Variants in TENM2 observed in about 807,000 individuals in gnomAD.
TENM2 encodes teneurin transmembrane protein 2.
In TENM2, 52 loss-of-function variants were observed where a neutral mutation model predicts 245.2. The observed-to-expected ratio is 0.21, with a 90% confidence interval of 0.17 to 0.27. The LOEUF (loss-of-function observed/expected upper bound fraction) is 0.27. Among genes scored for constraint, TENM2 ranks in the 10% least tolerant of loss-of-function variants. The pLI is 1.00. For synonymous variants in TENM2, 1,363 were observed against 1,438.9 expected (o/e 0.95, Z 1.19); for missense variants, 3,046 against 3,666.8 (o/e 0.83, Z 4.37).
intron 2 of TENM2, among the ~76,000 whole-genome samples, chr5:167,731,960 A>G (rs1760470795): frequency 6.6e-6 from 1 of 152,152 alleles, no homozygotes; most frequent in Non-Finnish European, 1.5e-5. Context: ...GTAGGCATAC[A>G]TGATAATATT....
chr5:167,422,621 A>C (rs1763578291), intron 2 of TENM2, among the ~76,000 whole-genome samples: 1 of 152,214 alleles, frequency 6.6e-6, no homozygotes, highest in African/African-American at 2.4e-5. Flanking sequence ...AACTCCAGGT[A>C]AGGAGAATTG....
chr5:168,003,623 C>G (rs1307984254), intron 5 of TENM2, among the ~76,000 whole-genome samples: 1 of 152,100 alleles, frequency 6.6e-6, no homozygotes, highest in Admixed American at 6.5e-5. Context: ...ACCTATAAGT[C>G]CAACCAAGGT....
intron 2 of TENM2, among the ~76,000 whole-genome samples, chr5:167,553,826 C>T (rs146818915): frequency 2.2e-3 from 328 of 152,232 alleles, no homozygotes; most frequent in Non-Finnish European, 3.5e-3. Context: ...CCAGAGTCCC[C>T]TCCTTCACAC....
At chr5:167,966,431 A>G (rs1268810681) in intron 4 of TENM2, among the ~76,000 whole-genome samples, 1 of 152,184 alleles carries the variant, frequency 6.6e-6, no homozygotes, top group Non-Finnish European at 1.5e-5. Flanking sequence ...AAGTGCTCAG[A>G]AAAAGAATTG....
intron 2 of TENM2, among the ~76,000 whole-genome samples, chr5:167,802,063 C>G (rs545584969): frequency 6.6e-6 from 1 of 152,210 alleles, no homozygotes; most frequent in African/African-American, 2.4e-5. Flanking sequence ...GGTGTCCTCA[C>G]GTGGTGGAAG....
At chr5:167,262,149 A>G in the TENM2 span, among the ~76,000 whole-genome samples, 1 of 152,262 alleles carries the variant, frequency 6.6e-6, no homozygotes, top group South Asian at 2.1e-4. Context: ...AAGAAAGAAG[A>G]GGATTATCAG....
the TENM2 span, among the ~76,000 whole-genome samples, chr5:167,062,667 G>A: frequency 4.6e-5 from 7 of 152,124 alleles, no homozygotes; most frequent in African/African-American, 1.7e-4. Flanking sequence ...CGACAGGCAA[G>A]GTCTCTGCTC....
intron 2 of TENM2, among the ~76,000 whole-genome samples, chr5:167,675,901 TCCC>T (rs1756290765): frequency 6.6e-6 from 1 of 152,074 alleles, no homozygotes; most frequent in African/African-American, 2.4e-5. Context: ...TCCCATGTTA[TCCC>T]AGTTACTGTA....
At chr5:167,515,090 T>G (rs1392104821) in intron 2 of TENM2, among the ~76,000 whole-genome samples, 1 of 152,166 alleles carries the variant, frequency 6.6e-6, no homozygotes, top group African/African-American at 2.4e-5. Flanking sequence ...TTCATGAAGG[T>G]AAACACCGAA....
the TENM2 span, among the ~76,000 whole-genome samples, chr5:167,224,160 T>A: frequency 1.7e-3 from 261 of 152,288 alleles, 10 homozygotes; most frequent in East Asian, 0.037. Flanking sequence ...ACTCTGTTGA[T>A]TGTTTCTTTT....
chr5:167,048,718 T>TA, the TENM2 span, among the ~76,000 whole-genome samples: 1 of 152,200 alleles, frequency 6.6e-6, no homozygotes, highest in East Asian at 1.9e-4. Context: ...TGCTGCTAAA[T>TA]AAATGCCTAT....
the TENM2 span, among the ~76,000 whole-genome samples, chr5:167,134,083 T>C: frequency 6.6e-6 from 1 of 152,176 alleles, no homozygotes; most frequent in Admixed American, 6.5e-5. Context: ...AAGATAATAG[T>C]GCTATTTAAC....
intron 4 of TENM2, among the ~76,000 whole-genome samples, chr5:167,962,481 A>T (rs1781087869): frequency 6.6e-6 from 1 of 152,172 alleles, no homozygotes; most frequent in East Asian, 1.9e-4. Context: ...ATGTATGAAA[A>T]TTCTAGTCAT....
intron 1 of TENM2, among the ~76,000 whole-genome samples, chr5:167,353,300 G>A (rs1759050179): frequency 7.0e-6 from 1 of 142,378 alleles, no homozygotes; most frequent in African/African-American, 2.7e-5. Flanking sequence ...GTGTAACACA[G>A]GAAACTTGAC....
chr5:167,378,459 G>A (rs1014319236), intron 2 of TENM2, among the ~76,000 whole-genome samples: 10 of 148,808 alleles, frequency 6.7e-5, no homozygotes, highest in African/African-American at 2.5e-4. Flanking sequence ...TTAACATTGT[G>A]CTGGCTTGGA....
At chr5:167,707,708 T>C (rs766382108) in intron 2 of TENM2, among the ~76,000 whole-genome samples, 8 of 152,198 alleles carry the variant, frequency 5.3e-5, no homozygotes, top group Non-Finnish European at 8.8e-5. Flanking sequence ...TCTAGAATCC[T>C]AGCAAGTCTA....
the TENM2 span, among the ~76,000 whole-genome samples, chr5:167,208,088 C>T: frequency 2.6e-5 from 4 of 152,122 alleles, no homozygotes; most frequent in Non-Finnish European, 4.4e-5. Context: ...TCTTTCATTG[C>T]ATTTAATAAA....
intron 2 of TENM2, among the ~76,000 whole-genome samples, chr5:167,816,451 T>A (rs943612421): frequency 6.6e-6 from 1 of 152,222 alleles, no homozygotes; most frequent in Non-Finnish European, 1.5e-5. Flanking sequence ...ATACAGTTTC[T>A]GAATCTTCTC....
chr5:167,796,413 G>A (rs1256397500), intron 2 of TENM2, among the ~76,000 whole-genome samples: 1 of 152,022 alleles, frequency 6.6e-6, no homozygotes, highest in Admixed American at 6.6e-5. Flanking sequence ...TCTGCAAATC[G>A]CTGTGGGTCT....
Sources: allele counts gnomAD v4.1 joint callset (sites outside exome capture counted in the v4.1 genomes callset), GRCh38; gene constraint gnomAD v4.1.1; transcripts MANE v1.5; gene names NCBI Gene and HGNC (gene_info 2026-07-23, HGNC 2026-07-21).